Variants in ARHGAP15 observed in about 807,000 individuals in gnomAD.
The protein encoded by ARHGAP15 is Rho GTPase activating protein 15.
ARHGAP15 carries 51 observed loss-of-function variants against 63.7 expected under a neutral mutation model. The observed-to-expected ratio is 0.80, with a 90% CI of 0.64 to 1.01. The LOEUF is 1.01. Ranked by LOEUF, ARHGAP15 falls within the 50% of genes least tolerant of loss-of-function variation. The pLI, the probability that ARHGAP15 is intolerant of heterozygous loss-of-function variation, is 0.00. For missense variants in ARHGAP15, 560 were observed against 564.6 expected, an observed-to-expected ratio of 0.99 and a Z score of 0.08; for synonymous variants, 191 against 193.8, an observed-to-expected ratio of 0.99 and a Z score of 0.12.
chr2:143,507,319 C>G (rs749830964), intron 9 of ARHGAP15, among the ~76,000 whole-genome samples: 1 of 152,078 alleles, frequency 6.6e-6, no homozygotes, highest in Non-Finnish European at 1.5e-5. Flanking sequence ...TTACTGAACT[C>G]CGTACTTCCA....
At chr2:143,641,159 C>T (rs757509508) in intron 12 of ARHGAP15, 1 of 152,140 alleles carries the variant, frequency 6.6e-6, no homozygotes, top group African/African-American at 2.4e-5. Flanking sequence ...TTATGAACCT[C>T]TTGGCACCAG....
rs143587543 is a variant in ARHGAP15 at position 143,272,039 on chromosome 2, C to CT, written c.474+21443dup. 4.9e-3 allele frequency among the ~76,000 whole-genome samples: 744 copies of CT among 152,280 alleles called. 4 individuals carry two copies. The highest frequency in any genetic ancestry group is 0.017 in the African/African-American group (689 of 41,554). On this transcript the variant is annotated intron_variant, in intron 6 of 13. Coordinates refer to ENST00000295095, the MANE Select transcript of ARHGAP15 (RefSeq NM_018460.4). ...AGAAGAATGAACTATGCCTTGTGTT[C>CT]TTTTAAATCGCCGGTCATTGTTGAT...
intron 12 of ARHGAP15, among the ~76,000 whole-genome samples, chr2:143,664,203 T>C (rs1173521767): frequency 6.6e-6 from 1 of 151,856 alleles, no homozygotes; most frequent in Non-Finnish European, 1.5e-5. Flanking sequence ...AGAACAGAGA[T>C]TACAACAAAC....
rs188320069 is a variant in ARHGAP15, at chr2:143,696,660, T to C, written c.1139-6759T>C. On this transcript the variant is annotated intron_variant, in intron 12 of 13. Coordinates refer to ENST00000295095, the MANE Select transcript of ARHGAP15 (RefSeq NM_018460.4). ...GAGTAATTTTTGATACTGACAATTATTGACTATAAAGAGTTGTTCCCATTT... is the reference window on the plus strand; with the variant it reads ...GAGTAATTTTTGATACTGACAATTACTGACTATAAAGAGTTGTTCCCATTT... 2.0e-3 allele frequency among the ~76,000 whole-genome samples: 303 copies of C among 152,212 alleles called. 3 individuals are homozygous for C. The highest frequency in any genetic ancestry group is 3.6e-3 in the Non-Finnish European group (248 of 68,016).
chr2:143,219,457 G>T (rs1212155336), intron 4 of ARHGAP15, among the ~76,000 whole-genome samples: 3 of 152,146 alleles, frequency 2.0e-5, no homozygotes, highest in Non-Finnish European at 4.4e-5. Context: ...TACTTATCCA[G>T]TCTCCCAGCT....
At position 143,145,810 on chromosome 2, in the gene ARHGAP15, C is replaced by T. The variant is rs566159829; in HGVS notation, c.-14-9667C>T. ...TTCCCGGTTCTTTCAGGAGAGATAACAGGTCCTTCCAATTTATATATGTAT... is the reference window on the plus strand; with the variant it reads ...TTCCCGGTTCTTTCAGGAGAGATAATAGGTCCTTCCAATTTATATATGTAT... On this transcript the variant is annotated intron_variant, in intron 1 of 13. Coordinates refer to ENST00000295095, the MANE Select transcript of ARHGAP15 (RefSeq NM_018460.4). Among the ~76,000 whole-genome samples, 16 of 150,050 alleles carry T rather than the reference C, an allele frequency of 1.1e-4. 1 individual carries two copies. The highest frequency in any genetic ancestry group is 3.9e-4 in the African/African-American group (16 of 40,786).
At chr2:143,535,312 C>T (rs1004688260) in intron 10 of ARHGAP15, among the ~76,000 whole-genome samples, 1 of 152,288 alleles carries the variant, frequency 6.6e-6, no homozygotes, top group East Asian at 1.9e-4. Context: ...TTTTCTCTCC[C>T]ACATCCTACA....
chr2:143,324,642 AC>A lies in ARHGAP15; in HGVS notation c.474+74043del, dbSNP rs369537585. 8.8e-3 allele frequency among the ~76,000 whole-genome samples: 1,333 copies of A among 152,320 alleles called. 23 individuals carry two copies. Among genetic ancestry groups the A allele is most frequent in the African/African-American group, 0.03 (1,257 of 41,574 alleles). On this transcript the variant is annotated intron_variant, in intron 6 of 13. Transcript: ENST00000295095. The stretch of plus-strand genomic sequence containing the variant: ...ACATTGGTTTTCAAGCCATAATCTT[AC>A]GTTCAGATTTTGTATGCTGGTCCGT...
chr2:143,318,175 A>ATTT (rs796712788), intron 6 of ARHGAP15, among the ~76,000 whole-genome samples: 1 of 142,842 alleles, frequency 7.0e-6, no homozygotes, highest in African/African-American at 2.6e-5. Flanking sequence ...ATATTTTTGT[A>ATTT]TTTTTTTTTT....
chr2:143,705,040 A>G (rs1684263360), intron 13 of ARHGAP15, among the ~76,000 whole-genome samples: 1 of 152,198 alleles, frequency 6.6e-6, no homozygotes, highest in African/African-American at 2.4e-5. Flanking sequence ...AAAGTACATC[A>G]TATTGCACAT....
At chr2:143,649,498 G>A (rs150063751) in intron 12 of ARHGAP15, among the ~76,000 whole-genome samples, 94 of 151,952 alleles carry the variant, frequency 6.2e-4, no homozygotes, top group African/African-American at 2.2e-3. Context: ...GATTTGCTAT[G>A]GGCTAAATCT....
intron 12 of ARHGAP15, among the ~76,000 whole-genome samples, chr2:143,664,967 C>T (rs1415858220): frequency 4.0e-5 from 6 of 151,610 alleles, no homozygotes; most frequent in African/African-American, 1.2e-4. Flanking sequence ...GATGGATTCA[C>T]AGCCGAATTC....
intron 5 of ARHGAP15, among the ~76,000 whole-genome samples, chr2:143,234,078 T>C (rs1251399728): frequency 2.0e-5 from 3 of 152,230 alleles, no homozygotes; most frequent in African/African-American, 7.2e-5. Context: ...CTTATATTTT[T>C]GTCTTTCTGA....
At chr2:143,703,113 A>T (rs1684164476) in intron 12 of ARHGAP15, among the ~76,000 whole-genome samples, 1 of 152,228 alleles carries the variant, frequency 6.6e-6, no homozygotes, top group African/African-American at 2.4e-5. Context: ...CTTTCATGTT[A>T]AGATTATCTC....
intron 6 of ARHGAP15, among the ~76,000 whole-genome samples, chr2:143,289,864 TG>T (rs1223359186): frequency 6.6e-6 from 1 of 152,210 alleles, no homozygotes; most frequent in African/African-American, 2.4e-5. Flanking sequence ...TAAATTTTAC[TG>T]GTTTTCATAT....
chr2:143,745,067 ATTCC>A (rs1686109581), intron 13 of ARHGAP15, among the ~76,000 whole-genome samples: 1 of 152,130 alleles, frequency 6.6e-6, no homozygotes, highest in Admixed American at 6.5e-5. Flanking sequence ...TGATACCTCT[ATTCC>A]TTTAAATTTT....
intron 6 of ARHGAP15, among the ~76,000 whole-genome samples, chr2:143,272,706 A>C (rs989120863): frequency 1.6e-4 from 24 of 152,150 alleles, no homozygotes; most frequent in Admixed American, 2.0e-4. Context: ...AATCCAGGTG[A>C]TCTAAAGTAT....
At chr2:143,475,275 T>C (rs1298899725) in intron 8 of ARHGAP15, among the ~76,000 whole-genome samples, 1 of 152,218 alleles carries the variant, frequency 6.6e-6, no homozygotes, top group African/African-American at 2.4e-5. Context: ...TCAGCATTTG[T>C]GAGGACAAAC....
At chr2:143,618,996 T>C (rs1161585894) in intron 11 of ARHGAP15, among the ~76,000 whole-genome samples, 1 of 65,326 alleles carries the variant, frequency 1.5e-5, no homozygotes, top group African/African-American at 3.3e-5. Flanking sequence ...CTACTTTTTG[T>C]TATTTTTTTT....
Sources: allele counts gnomAD v4.1 joint callset (sites outside exome capture counted in the v4.1 genomes callset), GRCh38; gene constraint gnomAD v4.1.1; transcripts MANE v1.5; gene names NCBI Gene and HGNC (gene_info 2026-07-23, HGNC 2026-07-21).